The following CSMD1 variants were observed in gnomAD, a reference collection of about 807,000 sequenced individuals.
CSMD1 encodes CUB and Sushi multiple domains 1.
CSMD1 carries 213 observed loss-of-function variants against 417.5 expected under a neutral mutation model. The ratio of observed to expected loss-of-function variants is 0.51; its 90% CI spans 0.46 to 0.57. The LOEUF (loss-of-function observed/expected upper bound fraction) is 0.57. Among genes scored for constraint, CSMD1 ranks in the 20% least tolerant of loss-of-function variants. The pLI, the probability that CSMD1 is intolerant of heterozygous loss-of-function variation, is 0.00. For synonymous variants in CSMD1, 2,862 were observed against 1,736.8 expected (o/e 1.65, Z -16.11); for missense variants, 6,923 against 4,529.7 (o/e 1.53, Z -15.17).
chr8:4,223,368 T>C (rs192213220), intron 3 of CSMD1, among the ~76,000 whole-genome samples: 1 of 152,232 alleles, frequency 6.6e-6, no homozygotes, highest in South Asian at 2.1e-4. Flanking sequence ...CTGTAGTCCA[T>C]CCATCAAGTA....
At chr8:3,639,382 AG>A (rs1376865234) in intron 7 of CSMD1, among the ~76,000 whole-genome samples, 1 of 152,230 alleles carries the variant, frequency 6.6e-6, no homozygotes, top group East Asian at 1.9e-4. Flanking sequence ...TGAATGAGTG[AG>A]GGTTCATCAA....
chr8:3,960,594 A>T (rs762131023), intron 5 of CSMD1, among the ~76,000 whole-genome samples: 2 of 152,148 alleles, frequency 1.3e-5, no homozygotes, highest in Non-Finnish European at 2.9e-5. Flanking sequence ...CAAAAAAGTT[A>T]TTTTAAATAT....
chr8:3,127,183 G>C (rs534178745), intron 41 of CSMD1, among the ~76,000 whole-genome samples: 2 of 152,150 alleles, frequency 1.3e-5, no homozygotes, highest in Non-Finnish European at 2.9e-5. Context: ...AGCGGGGATG[G>C]GGATTGCTAC....
At chr8:4,710,068 C>A (rs1195812331) in intron 1 of CSMD1, among the ~76,000 whole-genome samples, 1 of 152,074 alleles carries the variant, frequency 6.6e-6, no homozygotes, top group Non-Finnish European at 1.5e-5. Context: ...TTTGGAAAAT[C>A]TGGGGCAAGA....
chr8:3,794,603 G>A (rs998251152), intron 5 of CSMD1, among the ~76,000 whole-genome samples: 5 of 133,108 alleles, frequency 3.8e-5, no homozygotes, highest in South Asian at 2.6e-4. Flanking sequence ...TTTTTTTCTC[G>A]ATATATTAAT....
At chr8:4,199,878 T>TTTAG (rs1460008279) in intron 3 of CSMD1, among the ~76,000 whole-genome samples, 4 of 152,116 alleles carry the variant, frequency 2.6e-5, no homozygotes, top group African/African-American at 9.7e-5. Flanking sequence ...TGACAATATT[T>TTTAG]TTAGGCCCTT....
chr8:4,859,640 C>A (rs1192475294), intron 1 of CSMD1, among the ~76,000 whole-genome samples: 1 of 152,034 alleles, frequency 6.6e-6, no homozygotes, highest in African/African-American at 2.4e-5. Context: ...GTTTATACAG[C>A]CAAAAAACAC....
intron 3 of CSMD1, among the ~76,000 whole-genome samples, chr8:4,326,146 T>C (rs1218608050): frequency 6.6e-6 from 1 of 152,166 alleles, no homozygotes; most frequent in Non-Finnish European, 1.5e-5. Context: ...ATATTCAGTT[T>C]AGAGTTGTGC....
At chr8:3,518,274 A>G (rs1797363749) in intron 10 of CSMD1, among the ~76,000 whole-genome samples, 1 of 152,198 alleles carries the variant, frequency 6.6e-6, no homozygotes, top group African/African-American at 2.4e-5. Flanking sequence ...AGAGAAAATT[A>G]TATAAGAGAG....
At chr8:3,076,099 G>A (rs1261489297) in intron 49 of CSMD1, among the ~76,000 whole-genome samples, 1 of 151,486 alleles carries the variant, frequency 6.6e-6, no homozygotes, top group African/African-American at 2.4e-5. Context: ...ATTTTTAAAA[G>A]TTTGTGTCTG....
intron 30 of CSMD1, 126 bp downstream of exon 30, chr8:3,214,371 G>C (rs2116817097): frequency 2.6e-6 from 2 of 756,890 alleles, no homozygotes; most frequent in South Asian, 2.1e-5. Context: ...TTCCACACTA[G>C]CTCTCTAAGC....
chr8:3,777,155 C>G (rs1477138946), intron 5 of CSMD1, among the ~76,000 whole-genome samples: 1 of 113,108 alleles, frequency 8.8e-6, no homozygotes, highest in African/African-American at 3.1e-5. Flanking sequence ...CACACACACA[C>G]ACACATCATA....
chr8:3,525,805 C>T (rs977196794), intron 10 of CSMD1, among the ~76,000 whole-genome samples: 4 of 152,112 alleles, frequency 2.6e-5, no homozygotes, highest in African/African-American at 9.7e-5. Flanking sequence ...GGTTGCTTAC[C>T]ACTAAGTTGA....
intron 1 of CSMD1, among the ~76,000 whole-genome samples, chr8:4,758,808 C>T (rs577047076): frequency 2.0e-5 from 3 of 152,118 alleles, no homozygotes; most frequent in Admixed American, 2.0e-4. Flanking sequence ...GAACCTTCCC[C>T]CATAATCCAA....
At chr8:3,838,185 C>A (rs927495393) in intron 5 of CSMD1, among the ~76,000 whole-genome samples, 1 of 152,034 alleles carries the variant, frequency 6.6e-6, no homozygotes, top group South Asian at 2.1e-4. Context: ...CAGACACAGA[C>A]CCTGCCTTCC....
intron 7 of CSMD1, among the ~76,000 whole-genome samples, chr8:3,686,281 G>A (rs564737535): frequency 6.6e-6 from 1 of 152,302 alleles, no homozygotes; most frequent in African/African-American, 2.4e-5. Flanking sequence ...GAAAGGCAGT[G>A]TCAAGAGACG....
chr8:4,755,276 T>C (rs904309654), intron 1 of CSMD1, among the ~76,000 whole-genome samples: 15 of 152,352 alleles, frequency 9.8e-5, no homozygotes, highest in African/African-American at 3.1e-4. Context: ...GACTTTGCCT[T>C]CAACTTGGAA....
At chr8:3,705,393 T>C (rs548542986) in intron 7 of CSMD1, among the ~76,000 whole-genome samples, 20 of 152,298 alleles carry the variant, frequency 1.3e-4, no homozygotes, top group African/African-American at 4.8e-4. Context: ...ATACAGGAGC[T>C]GCTAGCAGTG....
At chr8:4,751,391 A>AGG (rs35262433) in intron 1 of CSMD1, among the ~76,000 whole-genome samples, 12 of 151,734 alleles carry the variant, frequency 7.9e-5, no homozygotes, top group South Asian at 6.2e-4. Flanking sequence ...ACTCTGTCTC[A>AGG]GGGGGGGTGG....
Sources: gnomAD v4.1 joint callset for allele counts (sites outside exome capture counted in the v4.1 genomes callset) on GRCh38, gnomAD v4.1.1 for gene constraint, MANE v1.5 for transcripts, NCBI Gene and HGNC (gene_info 2026-07-23, HGNC 2026-07-21) for gene names.